Variants in CDH18 observed in about 807,000 individuals in gnomAD.
CDH18 encodes cadherin 18.
Under a neutral mutation model 67.9 loss-of-function variants are expected in CDH18, and 31 were observed. The observed-to-expected ratio is 0.46, with a 90% CI of 0.34 to 0.62. The LOEUF is 0.62. CDH18 is among the 20% of genes least tolerant of loss of function. The pLI is 0.01. For synonymous variants in CDH18, 362 were observed against 347.2 expected (o/e 1.04, Z -0.48); for missense variants, 890 against 975.5 (o/e 0.91, Z 1.17).
At position 19,750,005 on chromosome 5, in the gene CDH18, C is replaced by T. The variant is rs146518454; in HGVS notation, c.229-2769G>A. Among the ~76,000 whole-genome samples, 833 of 151,914 alleles carry T rather than the reference C, an allele frequency of 5.5e-3. 20 individuals are homozygous for T. Among genetic ancestry groups the T allele is most frequent in the Admixed American group, 0.036 (542 of 15,266 alleles). ...ACAAAAATATCATGAAAATGTATTT[C>T]GATTACATTGCTTTCTAAGAATATT... On this transcript the variant is annotated intron_variant, in intron 3 of 12. Coordinates refer to ENST00000382275, the MANE Select transcript of CDH18 (RefSeq NM_004934.5).
At chr5:19,584,957 T>G (rs577860059) in intron 7 of CDH18, among the ~76,000 whole-genome samples, 1 of 150,402 alleles carries the variant, frequency 6.6e-6, no homozygotes, top group Non-Finnish European at 1.5e-5. Flanking sequence ...ATCGCACCAC[T>G]GCACTCCAGC....
chr5:19,525,318 A>G (rs1381405310), intron 9 of CDH18, among the ~76,000 whole-genome samples: 1 of 152,176 alleles, frequency 6.6e-6, no homozygotes, highest in Non-Finnish European at 1.5e-5. Context: ...GACTCTGTCC[A>G]TTATGACCCA....
At chr5:19,991,154 G>A (rs1385512353), upstream of CDH18, among the ~76,000 whole-genome samples, 1 of 152,148 alleles carries the variant, frequency 6.6e-6, no homozygotes, top group Non-Finnish European at 1.5e-5. Context: ...TCTTTAGATG[G>A]CATCTCATGC....
At chr5:20,146,352 G>A (rs1251905059) in intron 2 of CDH18, among the ~76,000 whole-genome samples, 1 of 152,036 alleles carries the variant, frequency 6.6e-6, no homozygotes, top group Non-Finnish European at 1.5e-5. Flanking sequence ...TTCTGTCCTG[G>A]TAGACCATTG....
intron 1 of CDH18, among the ~76,000 whole-genome samples, chr5:20,376,657 T>C (rs1743471028): frequency 6.6e-6 from 1 of 152,046 alleles, no homozygotes; most frequent in Non-Finnish European, 1.5e-5. Flanking sequence ...GTTAGGAACA[T>C]GCCATGATGT....
Position 20,356,626 on chromosome 5 carries a change from A to T in CDH18, c.-579-101121T>A, listed in dbSNP as rs528004071. ...ACATTATTAATTGAATTAAAACTTT[A>T]TGATACTGGGAGGAAAAACAAGCAT... On this transcript the variant is annotated intron_variant, in intron 1 of 14. Coordinates refer to the CDH18 transcript ENST00000507958. Among the ~76,000 whole-genome samples, 151 of 151,860 alleles carry T rather than the reference A, an allele frequency of 9.9e-4. 2 individuals carry two copies. The highest frequency in any genetic ancestry group is 3.6e-3 in the African/African-American group (149 of 41,462).
chr5:20,557,770 G>C (rs1757982915), intron 1 of CDH18, among the ~76,000 whole-genome samples: 1 of 151,806 alleles, frequency 6.6e-6, no homozygotes, highest in South Asian at 2.1e-4. Context: ...CTAAGGAATA[G>C]AAATTACAAA....
At chr5:20,182,122 C>A (rs1350405935) in intron 2 of CDH18, among the ~76,000 whole-genome samples, 1 of 152,068 alleles carries the variant, frequency 6.6e-6, no homozygotes, top group African/African-American at 2.4e-5. Flanking sequence ...CATTTCACTC[C>A]TTCCAAATAC....
intron 1 of CDH18, among the ~76,000 whole-genome samples, chr5:20,517,398 A>C (rs945970627): frequency 1.3e-4 from 20 of 151,798 alleles, no homozygotes; most frequent in African/African-American, 4.8e-4. Flanking sequence ...ACAAATGAAT[A>C]AATGTGAATA....
At chr5:20,027,478 T>C (rs576810978) in intron 2 of CDH18, among the ~76,000 whole-genome samples, 2 of 152,226 alleles carry the variant, frequency 1.3e-5, no homozygotes, top group Non-Finnish European at 2.9e-5. Context: ...CAGCTTTTAC[T>C]GAGAACCTGT....
At chr5:19,872,152 A>G (rs1035372089) in intron 2 of CDH18, among the ~76,000 whole-genome samples, 2 of 152,162 alleles carry the variant, frequency 1.3e-5, no homozygotes, top group African/African-American at 2.4e-5. Context: ...AGACTATGTT[A>G]CATTTGGTAA....
At chr5:20,539,287 C>A (rs965690529) in intron 1 of CDH18, among the ~76,000 whole-genome samples, 2 of 152,126 alleles carry the variant, frequency 1.3e-5, no homozygotes, top group Non-Finnish European at 2.9e-5. Flanking sequence ...TGAAACAAAT[C>A]ATCGTCTGTG....
At chr5:20,416,797 T>C (rs1009787222) in intron 1 of CDH18, among the ~76,000 whole-genome samples, 3 of 152,006 alleles carry the variant, frequency 2.0e-5, no homozygotes, top group Admixed American at 1.3e-4. Context: ...CTTTACAGCA[T>C]GAGAAAACTT....
intron 1 of CDH18, among the ~76,000 whole-genome samples, chr5:20,416,620 AT>A (rs777735336): frequency 1.3e-5 from 2 of 152,114 alleles, no homozygotes; most frequent in Non-Finnish European, 2.9e-5. Context: ...CTTTGGTAAT[AT>A]TTTTAGTTAT....
chr5:20,409,452 G>T (rs1746581189), intron 1 of CDH18, among the ~76,000 whole-genome samples: 1 of 151,578 alleles, frequency 6.6e-6, no homozygotes, highest in Admixed American at 6.6e-5. Flanking sequence ...ATATAAATAT[G>T]CAATTGCTTT....
chr5:19,802,389 T>C (rs980321987), intron 3 of CDH18, among the ~76,000 whole-genome samples: 3 of 152,094 alleles, frequency 2.0e-5, no homozygotes, highest in African/African-American at 7.2e-5. Context: ...TCAAAACAGG[T>C]TGGTGGACAC....
chr5:19,867,292 T>C (rs150776728), intron 2 of CDH18, among the ~76,000 whole-genome samples: 145 of 152,338 alleles, frequency 9.5e-4, no homozygotes, highest in East Asian at 4.4e-3. Context: ...AACTAAATCT[T>C]ACCTTCATAA....
chr5:19,982,689 T>A (rs79025809), intron 1 of CDH18, among the ~76,000 whole-genome samples: 1,841 of 152,044 alleles, frequency 0.012, 54 homozygotes, highest in African/African-American at 0.042. Flanking sequence ...CAGGCAGGAG[T>A]AAATACAAGT....
At chr5:19,719,713 T>A (rs1193337070) in intron 5 of CDH18, among the ~76,000 whole-genome samples, 1 of 151,940 alleles carries the variant, frequency 6.6e-6, no homozygotes, top group Non-Finnish European at 1.5e-5. Flanking sequence ...TCCCAATATC[T>A]ATTTTTCACT....
Sources: allele counts gnomAD v4.1 joint callset (sites outside exome capture counted in the v4.1 genomes callset), GRCh38; gene constraint gnomAD v4.1.1; transcripts MANE v1.5; gene names NCBI Gene and HGNC (gene_info 2026-07-23, HGNC 2026-07-21).